The following TCEAL2 variants were observed in gnomAD, a reference collection of about 807,000 sequenced individuals.
TCEAL2 encodes transcription elongation factor A protein-like 2.
For missense variants in TCEAL2, 169 were observed against 166.6 expected (o/e 1.01, Z -0.08); for synonymous variants, 65 against 57.9 (o/e 1.12, Z -0.55).
At chrX:102,126,336 C>A in intron 1 of TCEAL2, 37 bp from the exon 2 acceptor site, 1 of 971,710 alleles carries the variant, frequency 1.0e-6, no homozygotes, top group Non-Finnish European at 1.4e-6. Context: ...GCCCGCTAAG[C>A]GCGCAGCCCC....
chrX:102,126,581 G>A, intron 2 of TCEAL2, 136 bp downstream of exon 2: 1 of 542,602 alleles, frequency 1.8e-6, no homozygotes, highest in Non-Finnish European at 3.0e-6. Context: ...CTGAACCAGT[G>A]CAGAGAAGGT....
chrX:102,126,333 A>G (rs1207014745), intron 1 of TCEAL2, 40 bp from the exon 2 acceptor site: 47 of 964,628 alleles, frequency 4.9e-5, no homozygotes, highest in Admixed American at 1.1e-4. Context: ...TGAGCCCGCT[A>G]AGCGCGCAGC....
At chrX:102,126,254 C>CGG in intron 1 of TCEAL2, 119 bp from the exon 2 acceptor site, 1 of 634,702 alleles carries the variant, frequency 1.6e-6, no homozygotes, top group East Asian at 4.1e-5. Context: ...GGCTGGGGTG[C>CGG]GGGGGAGGTA....
rs368492648 is a variant in TCEAL2 at position 102,126,851 on chromosome X, A to T, written c.21A>T (p.Glu7Asp). ...TCGACATGGAAAAACTCTTCAATGA[A>T]AATGAAGGAATGCCTTCGAATCAAG... MEKLFN[E>D]NEGMPSNQGK... Residue 7 changes from glutamate (E) to aspartate (D), a missense_variant, in exon 3 of 3, where the codon GAA becomes GAT. Glu to Asp is a conservative substitution (Grantham distance 45). Transcript: ENST00000372780. 3 of 1,203,339 alleles carry T rather than the reference A, an allele frequency of 2.5e-6. No homozygotes were observed. Among genetic ancestry groups the T allele is most frequent in the Non-Finnish European group, 3.4e-6 (3 of 893,241 alleles).
At position 102,126,999 on chromosome X, in the gene TCEAL2, C is replaced by A; in HGVS notation, c.169C>A (p.Pro57Thr). ...TENTGKRVEEPLKDKEKPESA... is the reference protein window; with the variant it reads ...TENTGKRVEETLKDKEKPESA... ...AAACACGGGCAAGAGAGTTGAGGAA[C>A]CGTTAAAGGATAAAGAAAAGCCAGA... is the stretch of plus-strand genomic sequence containing the variant. Residue 57 changes from proline (P) to threonine (T), a missense_variant, in exon 3 of 3, where the codon CCG (proline) becomes ACG (threonine). Pro to Thr is a conservative substitution (Grantham distance 38, BLOSUM62 -1). Coordinates refer to ENST00000372780, the MANE Select transcript of TCEAL2 (RefSeq NM_080390.4). The A allele has an allele frequency of 8.3e-7, 1 of 1,210,088 alleles. No homozygotes were observed. The highest frequency in any genetic ancestry group is 1.1e-6 in the Non-Finnish European group (1 of 894,895).
chrX:102,126,648 G>A (rs1358454599), intron 2 of TCEAL2, among the ~76,000 whole-genome samples, 156 bp from the exon 3 acceptor site: 1 of 112,773 alleles, frequency 8.9e-6, no homozygotes, highest in Non-Finnish European at 1.9e-5. Flanking sequence ...GGTGGGCTAC[G>A]TGGTGGGCAG....
rs1203325670 is a variant in TCEAL2 at position 102,127,023 on chromosome X, G to T, written c.193G>T (p.Glu65Ter). ...EEPLKDKEKP[E>*]SAGKAKGEGK... ...ACCGTTAAAGGATAAAGAAAAGCCA[G>T]AGAGTGCGGGAAAGGCAAAAGGAGA... The change falls in exon 3 of 3, where the codon GAG becomes TAG. Residue 65 changes from glutamate to a stop codon, truncating the protein, a stop_gained. Transcript: ENST00000372780. LOFTEE classifies it low-confidence loss of function (END_TRUNC). 1 of 1,207,625 alleles carries T rather than the reference G, an allele frequency of 8.3e-7. No homozygotes were observed. The highest frequency in any genetic ancestry group is 2.2e-5 in the Admixed American group (1 of 45,406).
intron 1 of TCEAL2, 182 bp from the exon 2 acceptor site, chrX:102,126,191 A>G: frequency 2.2e-6 from 1 of 463,936 alleles, no homozygotes; most frequent in Non-Finnish European, 3.4e-6. Flanking sequence ...ACAGAGACAA[A>G]CGCAGTTTGG....
Position 102,126,904 on chromosome X carries a change from C to G in TCEAL2, c.74C>G (p.Pro25Arg), listed in dbSNP as rs181755164. The G allele has an allele frequency of 5.8e-6, 7 of 1,211,388 alleles. No homozygotes were observed. In the East Asian group the frequency reaches 2.1e-4, roughly 36 times the overall value. Residue 25 changes from proline to arginine, a missense_variant, in exon 3 of 3, where the codon CCG becomes CGG. By Grantham distance (103) the Pro-to-Arg change is moderately radical (BLOSUM62 -2). Coordinates refer to ENST00000372780, the MANE Select transcript of TCEAL2 (RefSeq NM_080390.4). Reference sequence around the variant, plus strand: ...AAGATAGACAATGAAGAACAGCCACCGCACGAGGGAAAGCCAGAAGTAGCT... The same window carrying G: ...AAGATAGACAATGAAGAACAGCCACGGCACGAGGGAAAGCCAGAAGTAGCT... ...QGKIDNEEQP[P>R]HEGKPEVACI...
In TCEAL2 at chrX:102,126,816, A is replaced by T. The variant is rs375167040; in HGVS notation, c.-15A>T. ...ACCCATCCCCCAGGAAAGGAAAAGG[A>T]GGGGAAATCTCGACATGGAAAAACT... On this transcript the variant is annotated 5_prime_UTR_variant, in exon 3 of 3. Coordinates refer to ENST00000372780, the MANE Select transcript of TCEAL2 (RefSeq NM_080390.4). 7.3e-5 allele frequency: 87 copies of T among 1,195,938 alleles called. No individual in the cohort carries two copies. The African/African-American group carries it at 1.3e-3, about 18-fold the overall frequency.
In TCEAL2 at chrX:102,127,356, A is replaced by G. The variant is rs1407469122; in HGVS notation, c.526A>G (p.Arg176Gly). ...DMIREFDNMA[R>G]VEDKRRKSKQ... ...GATAAGAGAATTTGACAACATGGCTAGGGTGGAGGATAAAAGGAGAAAAAG... is the reference window on the plus strand; with the variant it reads ...GATAAGAGAATTTGACAACATGGCTGGGGTGGAGGATAAAAGGAGAAAAAG... The change falls in exon 3 of 3, where the codon AGG becomes GGG. Residue 176 changes from arginine (R) to glycine (G), a missense_variant. Arg to Gly is a moderately radical substitution (Grantham distance 125, BLOSUM62 -2). Coordinates refer to ENST00000372780, the MANE Select transcript of TCEAL2 (RefSeq NM_080390.4). 1.7e-6 allele frequency: 2 copies of G among 1,209,318 alleles called. No individual in the cohort carries two copies. The highest frequency in any genetic ancestry group is 5.9e-5 in the East Asian group (2 of 33,743).
rs1932904667 is a variant in TCEAL2 at position 102,127,651 on chromosome X, T to G, written c.*137T>G. 4.5e-6 allele frequency: 3 copies of G among 668,617 alleles called. No homozygotes were observed. In the African/African-American group the frequency reaches 6.6e-5, roughly 15 times the overall value. 55.1% of individuals were successfully genotyped at this position (668,617 alleles called of 1,213,427 possible). On this transcript the variant is annotated 3_prime_UTR_variant, in exon 3 of 3. Transcript: ENST00000372780. ...TGCTCTATGTTTCAGTAGCAGATTTTCACACATGTGCATTGCAGAGACGTC... is the reference window on the plus strand; with the variant it reads ...TGCTCTATGTTTCAGTAGCAGATTTGCACACATGTGCATTGCAGAGACGTC...
chrX:102,126,847 A>G lies in TCEAL2; in HGVS notation c.17A>G (p.Asn6Ser), dbSNP rs150231946. ...AATCTCGACATGGAAAAACTCTTCA[A>G]TGAAAATGAAGGAATGCCTTCGAAT... MEKLF[N>S]ENEGMPSNQG... Residue 6 changes from asparagine to serine, a missense_variant, in exon 3 of 3, where the codon AAT (asparagine) becomes AGT (serine). Physicochemically the swap from Asn to Ser is conservative, Grantham distance 46. Transcript: ENST00000372780. 4.2e-6 allele frequency: 5 copies of G among 1,204,239 alleles called. No homozygotes were observed. The Admixed American group carries it at 6.8e-5, about 16-fold the overall frequency.
rs1207014745 is a variant in TCEAL2, at chrX:102,126,333, A to T, written c.-100-40A>T. The T allele has an allele frequency of 1.1e-5, 11 of 964,638 alleles. No individual in the cohort carries two copies. In the African/African-American group the frequency reaches 1.6e-4, roughly 14 times the overall value. The allele number at this position is 964,638 out of a possible 1,213,427, so 79.5% of individuals were successfully genotyped here. A position where few individuals can be genotyped will look rare whatever the true frequency, so the allele number is the denominator to read the frequency against. On this transcript the variant is annotated intron_variant, in intron 1 of 2. Coordinates refer to ENST00000372780, the MANE Select transcript of TCEAL2 (RefSeq NM_080390.4). The stretch of plus-strand genomic sequence containing the variant: ...GGAACCGAGTCCCTGTGAGCCCGCT[A>T]AGCGCGCAGCCCCTGCCCCTGTCTC...
rs1221560066 is a variant in TCEAL2 at position 102,126,912 on chromosome X, G to A, written c.82G>A (p.Gly28Arg). 3 of 1,210,506 alleles carry A rather than the reference G, an allele frequency of 2.5e-6. No individual in the cohort carries two copies. The highest frequency in any genetic ancestry group is 2.2e-5 in the Admixed American group (1 of 45,815). The change falls in exon 3 of 3, where the codon GGA (glycine) becomes AGA (arginine). Residue 28 changes from glycine to arginine, a missense_variant. By Grantham distance (125) the Gly-to-Arg change is moderately radical. Coordinates refer to ENST00000372780, the MANE Select transcript of TCEAL2 (RefSeq NM_080390.4). ...IDNEEQPPHEGKPEVACILED... is the reference protein window; with the variant it reads ...IDNEEQPPHERKPEVACILED... ...CAATGAAGAACAGCCACCGCACGAGGGAAAGCCAGAAGTAGCTTGTATTCT... is the reference window on the plus strand; with the variant it reads ...CAATGAAGAACAGCCACCGCACGAGAGAAAGCCAGAAGTAGCTTGTATTCT...
chrX:102,127,556 A>G lies in TCEAL2; in HGVS notation c.*42A>G, dbSNP rs746733145. 1 of 1,120,448 alleles carries G rather than the reference A, an allele frequency of 8.9e-7. No individual in the cohort carries two copies. Among genetic ancestry groups the G allele is most frequent in the Non-Finnish European group, 1.2e-6 (1 of 851,758 alleles). 92.3% of individuals were successfully genotyped at this position (1,120,448 alleles called of 1,213,427 possible). On this transcript the variant is annotated 3_prime_UTR_variant, in exon 3 of 3. Transcript: ENST00000372780. Reference sequence around the variant, plus strand: ...TTGTCAGGCCATATGTTTTAACCTTATGGTAATACTTTGCTTTAGTCGTTC... The same window carrying G: ...TTGTCAGGCCATATGTTTTAACCTTGTGGTAATACTTTGCTTTAGTCGTTC...
rs778405780 is a variant in TCEAL2, at chrX:102,126,813, A to G, written c.-18A>G. 1 of 1,194,133 alleles carries G rather than the reference A, an allele frequency of 8.4e-7. No individual in the cohort carries two copies. The highest frequency in any genetic ancestry group is 1.9e-5 in the South Asian group (1 of 53,756). The stretch of plus-strand genomic sequence containing the variant: ...CACACCCATCCCCCAGGAAAGGAAA[A>G]GGAGGGGAAATCTCGACATGGAAAA... On this transcript the variant is annotated 5_prime_UTR_variant, in exon 3 of 3. Coordinates refer to ENST00000372780, the MANE Select transcript of TCEAL2 (RefSeq NM_080390.4).
chrX:102,126,769 C>G, intron 2 of TCEAL2, 35 bp from the exon 3 acceptor site: 1 of 1,130,604 alleles, frequency 8.8e-7, no homozygotes, highest in Non-Finnish European at 1.2e-6. Context: ...CATGTCTCCT[C>G]TTTGTCTCCT....
Position 102,127,617 on chromosome X carries a change from G to T in TCEAL2, c.*103G>T. ...CAGTAGCGTTTTGACCCACCTGCCA[G>T]TGTTTGCTTGCTCTATGTTTCAGTA... On this transcript the variant is annotated 3_prime_UTR_variant, in exon 3 of 3. Coordinates refer to ENST00000372780, the MANE Select transcript of TCEAL2 (RefSeq NM_080390.4). 1.1e-6 allele frequency: 1 copy of T among 916,314 alleles called. No homozygotes were observed. The highest frequency in any genetic ancestry group is 3.2e-5 in the East Asian group (1 of 30,892). The allele number at this position is 916,314 out of a possible 1,213,427, so 75.5% of individuals were successfully genotyped here.
Sources: gnomAD v4.1 joint callset for allele counts (sites outside exome capture counted in the v4.1 genomes callset) on GRCh38, gnomAD v4.1.1 for gene constraint, MANE v1.5 for transcripts, NCBI Gene and HGNC (gene_info 2026-07-23, HGNC 2026-07-21) for gene names.